The following ACAD11 variants were observed in gnomAD, a reference collection of about 807,000 sequenced individuals.
ACAD11 encodes acyl-CoA dehydrogenase family member 11.
Under a neutral mutation model 102.2 loss-of-function variants are expected in ACAD11, and 83 were observed. The ratio of observed to expected loss-of-function variants is 0.81; its 90% CI spans 0.68 to 0.97. The LOEUF (loss-of-function observed/expected upper bound fraction) is 0.97. Among genes scored for constraint, ACAD11 ranks in the 50% least tolerant of loss-of-function variants. The pLI, the probability that ACAD11 is intolerant of heterozygous loss-of-function variation, is 0.00. For synonymous variants in ACAD11, 324 were observed against 319.8 expected (o/e 1.01, Z -0.14); for missense variants, 901 against 951.7 (o/e 0.95, Z 0.70).
rs946235850 is a variant in ACAD11 at position 132,633,358 on chromosome 3, T to A, written c.703-1879A>T. Among the ~76,000 whole-genome samples the A allele has an allele frequency of 5.9e-5, 9 of 152,324 alleles. No individual in the cohort carries two copies. The East Asian group carries it at 1.7e-3, about 29-fold the overall frequency. The stretch of plus-strand genomic sequence containing the variant: ...ATGTGGTTTTTGTCTTTGGTTCTGT[T>A]TCTATGCTGGATTATGTTTACTGAT... On this transcript the variant is annotated intron_variant, in intron 5 of 19. Coordinates refer to ENST00000264990, the MANE Select transcript of ACAD11 (RefSeq NM_032169.5).
At chr3:132,572,023 T>C (rs1937395615) in intron 17 of ACAD11, among the ~76,000 whole-genome samples, 1 of 152,108 alleles carries the variant, frequency 6.6e-6, no homozygotes, top group Admixed American at 6.6e-5. Flanking sequence ...GGATGTCCTC[T>C]CTCACCACTC....
At chr3:132,578,487 T>C (rs1389338619) in intron 15 of ACAD11, 1 of 153,618 alleles carries the variant, frequency 6.5e-6, no homozygotes, top group African/African-American at 2.4e-5. Context: ...TAATCCATTT[T>C]TATGAATGAC....
At chr3:132,613,396 TA>T in intron 11 of ACAD11, among the ~76,000 whole-genome samples, 1 of 138,440 alleles carries the variant, frequency 7.2e-6, no homozygotes, top group South Asian at 2.4e-4. Context: ...AATAACTAAA[TA>T]AAAATAATAT....
At chr3:132,656,233 T>C (rs1335608147) in intron 1 of ACAD11, among the ~76,000 whole-genome samples, 2 of 152,240 alleles carry the variant, frequency 1.3e-5, no homozygotes, top group African/African-American at 2.4e-5. Context: ...TCTGTATCTA[T>C]AGACATTGTG....
rs546118768 is a variant in ACAD11, at chr3:132,558,950, G to A, written c.*21C>T. Reference sequence around the variant, plus strand: ...TATAAAGGAGAGTTTCTGCCAGTGGGATGTGGCAGTGCCACCCTCCTTATA... The same window carrying A: ...TATAAAGGAGAGTTTCTGCCAGTGGAATGTGGCAGTGCCACCCTCCTTATA... On this transcript the variant is annotated 3_prime_UTR_variant, in exon 20 of 20. Transcript: ENST00000264990. 5 of 1,560,568 alleles carry A rather than the reference G, an allele frequency of 3.2e-6. No homozygotes were observed. The highest frequency in any genetic ancestry group is 1.1e-5 in the South Asian group (1 of 88,476).
intron 12 of ACAD11, among the ~76,000 whole-genome samples, chr3:132,604,291 A>G (rs1035203487): frequency 1.3e-5 from 2 of 152,186 alleles, no homozygotes; most frequent in African/African-American, 2.4e-5. Context: ...GTTATTATTA[A>G]TGTCTTACTA....
chr3:132,568,801 C>CAAAAAAAAAAAAAAAAAAAAAA (rs755568917), intron 17 of ACAD11, among the ~76,000 whole-genome samples: 15 of 68,680 alleles, frequency 2.2e-4, no homozygotes, highest in South Asian at 9.5e-4. Context: ...CATCCACAGG[C>CAAAAAAAAAAAAAAAAAAAAAA]AAAAAAAAAA....
At position 132,641,560 on chromosome 3, in the gene ACAD11, T is replaced by TGATGAAGAA. The variant is rs751180735; in HGVS notation, c.537+411_537+412insTTCTTCATC. Among the ~76,000 whole-genome samples the TGATGAAGAA allele has an allele frequency of 2.0e-3, 202 of 99,572 alleles. 4 individuals carry two copies. Among genetic ancestry groups the TGATGAAGAA allele is most frequent in the African/African-American group, 9.1e-3 (181 of 19,926 alleles). The allele number at this position is 99,572 out of a possible 152,430, so 65.3% of individuals were successfully genotyped here. ...CTCTGTCTCAAAATGATGATGATGATGAAGAAGAAGAAGAAGAAGAAGAAG... is the reference window on the plus strand; with the variant it reads ...CTCTGTCTCAAAATGATGATGATGATGATGAAGAAGAAGAAGAAGAAGAAGAAGAAGAAG... On this transcript the variant is annotated intron_variant, in intron 4 of 19. Transcript: ENST00000264990.
At chr3:132,626,887 A>G (rs1296121397) in intron 8 of ACAD11, 70 bp from the exon 9 acceptor site, 1 of 1,483,160 alleles carries the variant, frequency 6.7e-7, no homozygotes, top group Non-Finnish European at 9.0e-7. Context: ...TATTTCTAAT[A>G]TAATGTGAAG....
chr3:132,635,382 C>T (rs1428262936), intron 5 of ACAD11, among the ~76,000 whole-genome samples: 1 of 152,130 alleles, frequency 6.6e-6, no homozygotes, highest in East Asian at 1.9e-4. Flanking sequence ...ACTGCAGACC[C>T]CATTTGGGTA....
chr3:132,589,363 T>C (rs1937979890), intron 13 of ACAD11, among the ~76,000 whole-genome samples: 1 of 152,218 alleles, frequency 6.6e-6, no homozygotes, highest in Non-Finnish European at 1.5e-5. Context: ...CCTAAATGAC[T>C]TATCTGGAAA....
chr3:132,633,809 G>A (rs1311973685), intron 5 of ACAD11, among the ~76,000 whole-genome samples: 3 of 152,116 alleles, frequency 2.0e-5, no homozygotes, highest in Non-Finnish European at 4.4e-5. Flanking sequence ...AATGGGGAAA[G>A]GATTCCCTAT....
At chr3:132,566,499 T>A (rs74543320) in intron 17 of ACAD11, among the ~76,000 whole-genome samples, 3,659 of 152,120 alleles carry the variant, frequency 0.024, 154 homozygotes, top group African/African-American at 0.083. Context: ...CCAAGCAGGA[T>A]AAATCCTAGA....
chr3:132,610,918 A>C (rs938873646), intron 11 of ACAD11, among the ~76,000 whole-genome samples: 2 of 152,062 alleles, frequency 1.3e-5, no homozygotes, highest in African/African-American at 4.8e-5. Flanking sequence ...GAGACACAAT[A>C]AAAAAAGAGA....
At chr3:132,574,927 C>T (rs901298309) in intron 17 of ACAD11, among the ~76,000 whole-genome samples, 14 of 152,142 alleles carry the variant, frequency 9.2e-5, no homozygotes, top group African/African-American at 2.4e-4. Flanking sequence ...CTCTGTCTCC[C>T]GGGTTCAAGC....
chr3:132,653,096 T>C (rs1317924460), intron 1 of ACAD11, among the ~76,000 whole-genome samples: 1 of 152,180 alleles, frequency 6.6e-6, no homozygotes, highest in Non-Finnish European at 1.5e-5. Flanking sequence ...GACAAAGCAT[T>C]AGTAATATCT....
chr3:132,650,261 A>G (rs921547752), intron 1 of ACAD11: 1 of 152,220 alleles, frequency 6.6e-6, no homozygotes, highest in African/African-American at 2.4e-5. Flanking sequence ...ACATCAGCCA[A>G]AAGAGCTGGA....
Position 132,567,202 on chromosome 3 carries a change from C to T in ACAD11, c.2002-5985G>A, listed in dbSNP as rs1162634298. 2.0e-5 allele frequency among the ~76,000 whole-genome samples: 3 copies of T among 152,162 alleles called. 1 individual carries two copies. The highest frequency in any genetic ancestry group is 7.2e-5 in the African/African-American group (3 of 41,446). On this transcript the variant is annotated intron_variant, in intron 17 of 19. Coordinates refer to ENST00000264990, the MANE Select transcript of ACAD11 (RefSeq NM_032169.5). ...CCATGTTGGCCAGGCTGGTCTCAAA[C>T]TCCTGACCTCAAATGATCCACCCGC...
chr3:132,571,815 AT>A (rs1172798846), intron 17 of ACAD11, among the ~76,000 whole-genome samples: 1 of 152,220 alleles, frequency 6.6e-6, no homozygotes, highest in African/African-American at 2.4e-5. Flanking sequence ...CCACTTGATC[AT>A]CTCAATAGAT....
Sources: allele counts gnomAD v4.1 joint callset (sites outside exome capture counted in the v4.1 genomes callset), GRCh38; gene constraint gnomAD v4.1.1; transcripts MANE v1.5; gene names NCBI Gene and HGNC (gene_info 2026-07-23, HGNC 2026-07-21).